The following PIEZO2 variants were observed in gnomAD, a reference collection of about 807,000 sequenced individuals.
PIEZO2 encodes the protein piezo type mechanosensitive ion channel component 2, also known as piezo-type mechanosensitive ion channel component 2.
A neutral mutation model predicts 337.3 loss-of-function variants in PIEZO2; 172 were observed. The observed-to-expected ratio is 0.51, with a 90% CI of 0.45 to 0.58. The LOEUF is 0.58. PIEZO2 is among the 20% of genes least tolerant of loss of function. The pLI, the probability that PIEZO2 is intolerant of heterozygous loss-of-function variation, is 0.00. For missense variants in PIEZO2, 3,028 were observed against 3,391.3 expected, an observed-to-expected ratio of 0.89 and a Z score of 2.66; for synonymous variants, 1,251 against 1,228.5, an observed-to-expected ratio of 1.02 and a Z score of -0.38.
In PIEZO2 at chr18:11,106,411, C is replaced by T. The variant is rs368252777; in HGVS notation, c.65-40189G>A. The stretch of plus-strand genomic sequence containing the variant: ...CAGCACCCGGCCCATTTTTTTCTTT[C>T]CTCTCTCTTTTTTTTTTTTTTTTTC... On this transcript the variant is annotated intron_variant, in intron 1 of 55. Coordinates refer to ENST00000674853, the MANE Select transcript of PIEZO2 (RefSeq NM_001378183.1). 2.7e-5 allele frequency among the ~76,000 whole-genome samples: 4 copies of T among 146,528 alleles called. No individual in the cohort carries two copies. The South Asian group carries it at 6.4e-4, about 24-fold the overall frequency.
At chr18:10,984,328 T>A (rs2034787492) in intron 2 of PIEZO2, among the ~76,000 whole-genome samples, 1 of 152,010 alleles carries the variant, frequency 6.6e-6, no homozygotes, top group South Asian at 2.1e-4. Context: ...GGAGTATAGA[T>A]AAACTACTAA....
At chr18:11,012,891 A>C (rs1029822280) in intron 2 of PIEZO2, among the ~76,000 whole-genome samples, 1 of 152,096 alleles carries the variant, frequency 6.6e-6, no homozygotes, top group African/African-American at 2.4e-5. Context: ...AAAAAATTTA[A>C]AAATTAGCCA....
intron 4 of PIEZO2, among the ~76,000 whole-genome samples, chr18:10,882,949 C>T (rs1054113397): frequency 2.0e-5 from 3 of 148,128 alleles, no homozygotes; most frequent in Non-Finnish European, 4.4e-5. Flanking sequence ...AGCGATTCTC[C>T]TGCCTCAGCT....
At chr18:10,792,194 C>A (rs572584162) in intron 13 of PIEZO2, among the ~76,000 whole-genome samples, 1 of 152,226 alleles carries the variant, frequency 6.6e-6, no homozygotes, top group Non-Finnish European at 1.5e-5. Context: ...GGTGATCCGC[C>A]TGCCTTGGCC....
Position 10,759,724 on chromosome 18 carries a change from G to C in PIEZO2, c.3636C>G (p.Ile1212Met), listed in dbSNP as rs2038043024. Residue 1212 changes from isoleucine (I) to methionine (M), a missense_variant, in exon 25 of 56, where the codon ATC becomes ATG. Physicochemically the swap from Ile to Met is conservative, Grantham distance 10 (BLOSUM62 1). Coordinates refer to ENST00000674853, the MANE Select transcript of PIEZO2 (RefSeq NM_001378183.1). The surrounding 1 kb of genome is among the most constrained non-coding windows in gnomAD (Gnocchi z 5.5). Reference protein sequence around the residue: ...ITFQYFICIGIPPAPCRDYPW... With the variant: ...ITFQYFICIGMPPAPCRDYPW... ...GCTCACCTCGGCAAGGAGCAGGTGGGATGCCAATGCAGATGAAATACTGGA... is the reference window on the plus strand; with the variant it reads ...GCTCACCTCGGCAAGGAGCAGGTGGCATGCCAATGCAGATGAAATACTGGA... 1 of 1,537,302 alleles carries C rather than the reference G, an allele frequency of 6.5e-7. No homozygotes were observed. The highest frequency in any genetic ancestry group is 2.0e-5 in the Admixed American group (1 of 51,004).
At position 10,767,573 on chromosome 18, in the gene PIEZO2, C is replaced by T. The variant is rs538537276; in HGVS notation, c.2946+2575G>A. Among the ~76,000 whole-genome samples the T allele has an allele frequency of 1.3e-4, 20 of 152,258 alleles. No individual in the cohort carries two copies. Among genetic ancestry groups the T allele is most frequent in the Non-Finnish European group, 2.4e-4 (16 of 68,024 alleles). ...AGTGAGGAGCTAATGACTCGGAGCC[C>T]GATGCGTGAACCCTGGAGCTTGGGC... is the stretch of plus-strand genomic sequence containing the variant. On this transcript the variant is annotated intron_variant, in intron 21 of 55. Transcript: ENST00000674853. The surrounding 1 kb of genome is among the most constrained non-coding windows in gnomAD (Gnocchi z 4.2).
At position 10,953,896 on chromosome 18, in the gene PIEZO2, G is replaced by A. The variant is rs961116406; in HGVS notation, c.286+25639C>T. 6.6e-6 allele frequency among the ~76,000 whole-genome samples: 1 copy of A among 152,184 alleles called. No homozygotes were observed. Among genetic ancestry groups the A allele is most frequent in the South Asian group, 2.1e-4 (1 of 4,824 alleles). On this transcript the variant is annotated intron_variant, in intron 3 of 55. Coordinates refer to ENST00000674853, the MANE Select transcript of PIEZO2 (RefSeq NM_001378183.1). The surrounding 1 kb of genome is among the most constrained non-coding windows in gnomAD (Gnocchi z 5.2). The stretch of plus-strand genomic sequence containing the variant: ...GTGCCCCTGGTTACTATGTGAGGAC[G>A]ATACTGCCTTGTTTTAATGATTTGC...
intron 2 of PIEZO2, among the ~76,000 whole-genome samples, chr18:11,041,194 A>G (rs1385344361): frequency 1.3e-5 from 2 of 152,246 alleles, no homozygotes; most frequent in African/African-American, 4.8e-5. Flanking sequence ...TTTTTGGAAT[A>G]ATCTGCCAGG....
intron 21 of PIEZO2, chr18:10,769,842 G>T (rs540416283): frequency 8.4e-6 from 2 of 239,140 alleles, no homozygotes; most frequent in South Asian, 1.6e-4. Flanking sequence ...GAGAATTTAG[G>T]GAGATAGATT....
At chr18:10,702,738 T>C (rs1261637187) in intron 42 of PIEZO2, among the ~76,000 whole-genome samples, 2 of 152,266 alleles carry the variant, frequency 1.3e-5, no homozygotes, top group African/African-American at 2.4e-5. Context: ...GGGTTCTTGG[T>C]TTCTGACACG....
At position 11,002,913 on chromosome 18, in the gene PIEZO2, A is replaced by G. The variant is rs370206399; in HGVS notation, c.161-23253T>C. ...CAATAGAAACATCCAATGGGGATGT[A>G]AAGAATTTTCTTTAGTAGAATCAGT... On this transcript the variant is annotated intron_variant, in intron 2 of 55. Coordinates refer to ENST00000674853, the MANE Select transcript of PIEZO2 (RefSeq NM_001378183.1). This position sits in a 1 kb window ranked among gnomAD's most constrained non-coding sequence, Gnocchi z 4.3. 1.1e-4 allele frequency among the ~76,000 whole-genome samples: 16 copies of G among 152,376 alleles called. No individual in the cohort carries two copies. In the South Asian group the frequency reaches 2.5e-3, roughly 24 times the overall value.
At chr18:10,782,598 C>T (rs922181657) in intron 17 of PIEZO2, among the ~76,000 whole-genome samples, 3 of 147,004 alleles carry the variant, frequency 2.0e-5, no homozygotes, top group Non-Finnish European at 4.5e-5. Context: ...AGAGAACTGG[C>T]ATTACACACT....
intron 2 of PIEZO2, among the ~76,000 whole-genome samples, chr18:11,053,813 C>T (rs1478939368): frequency 6.6e-6 from 1 of 151,794 alleles, no homozygotes; most frequent in Non-Finnish European, 1.5e-5. Context: ...TTCAGGAGTT[C>T]GAGACCAGCC....
At chr18:10,729,349 G>C (rs1382724757) in intron 36 of PIEZO2, among the ~76,000 whole-genome samples, 1 of 151,678 alleles carries the variant, frequency 6.6e-6, no homozygotes, top group Non-Finnish European at 1.5e-5. Context: ...ATACAGGCCG[G>C]GCACAGTGGC....
In PIEZO2 at chr18:11,094,161, T is replaced by A. The variant is rs1262054812; in HGVS notation, c.65-27939A>T. ...GCCCAGCTAATTTTTCTATTTTTAATAGAGACCAGGTTTCATCATGTTGGC... is the reference window on the plus strand; with the variant it reads ...GCCCAGCTAATTTTTCTATTTTTAAAAGAGACCAGGTTTCATCATGTTGGC... On this transcript the variant is annotated intron_variant, in intron 1 of 55. Transcript: ENST00000674853. The surrounding 1 kb of genome is among the most constrained non-coding windows in gnomAD (Gnocchi z 4.4). Among the ~76,000 whole-genome samples the A allele has an allele frequency of 1.3e-5, 2 of 152,104 alleles. No individual in the cohort carries two copies. Among genetic ancestry groups the A allele is most frequent in the Non-Finnish European group, 2.9e-5 (2 of 68,004 alleles).
rs2146317364 is a variant in PIEZO2 at position 11,149,080 on chromosome 18, T to G, written c.-492A>C. The stretch of plus-strand genomic sequence containing the variant: ...CCCTCTGAAGCCACCGCGTCTCCTT[T>G]GCCCGGCCTCGTCTCCGCTGCCCAC... On this transcript the variant is annotated 5_prime_UTR_variant, in exon 1 of 56. Transcript: ENST00000674853. This position sits in a 1 kb window ranked among gnomAD's most constrained non-coding sequence, Gnocchi z 8.7. 6.6e-6 allele frequency among the ~76,000 whole-genome samples: 1 copy of G among 152,140 alleles called. No homozygotes were observed. The highest frequency in any genetic ancestry group is 2.0e-4 in the East Asian group (1 of 5,114).
rs1290204979 is a variant in PIEZO2, at chr18:11,126,101, T to C, written c.64+22424A>G. The stretch of plus-strand genomic sequence containing the variant: ...GCATTACAAGTAGAACAGCGGGCAG[T>C]TCTGTCCATGCCCACCAGAGGCCTG... On this transcript the variant is annotated intron_variant, in intron 1 of 55. Coordinates refer to ENST00000674853, the MANE Select transcript of PIEZO2 (RefSeq NM_001378183.1). The surrounding 1 kb of genome is among the most constrained non-coding windows in gnomAD (Gnocchi z 4.6). 6.6e-6 allele frequency among the ~76,000 whole-genome samples: 1 copy of C among 152,176 alleles called. No homozygotes were observed. The highest frequency in any genetic ancestry group is 1.5e-5 in the Non-Finnish European group (1 of 68,026).
In PIEZO2 at chr18:11,092,621, A is replaced by G. The variant is rs970651905; in HGVS notation, c.65-26399T>C. Among the ~76,000 whole-genome samples the G allele has an allele frequency of 6.6e-6, 1 of 152,214 alleles. No individual in the cohort carries two copies. The highest frequency in any genetic ancestry group is 1.9e-4 in the East Asian group (1 of 5,190). ...GAAAAAACCTTAGACACAATTTTACACAACCAAGAATAAATGTAATTGGAC... is the reference window on the plus strand; with the variant it reads ...GAAAAAACCTTAGACACAATTTTACGCAACCAAGAATAAATGTAATTGGAC... On this transcript the variant is annotated intron_variant, in intron 1 of 55. Transcript: ENST00000674853. This position sits in a 1 kb window ranked among gnomAD's most constrained non-coding sequence, Gnocchi z 4.5.
chr18:10,747,321 GC>G (rs1362755448), intron 30 of PIEZO2, among the ~76,000 whole-genome samples: 1 of 152,190 alleles, frequency 6.6e-6, no homozygotes, highest in Non-Finnish European at 1.5e-5. Flanking sequence ...CATTGCCTTA[GC>G]AGCCTGAGGA....
Sources: gnomAD v4.1 joint callset for allele counts (sites outside exome capture counted in the v4.1 genomes callset) on GRCh38, gnomAD v4.1.1 for gene constraint, Gnocchi (gnomAD v3.1) non-coding constraint, MANE v1.5 for transcripts, NCBI Gene and HGNC (gene_info 2026-07-23, HGNC 2026-07-21) for gene names.